PGM5: variants seen among roughly 807,000 people sequenced by gnomAD.
PGM5 encodes the protein phosphoglucomutase 5, also known as phosphoglucomutase-like protein 5.
A neutral mutation model predicts 59.2 loss-of-function variants in PGM5; 23 were observed. The ratio of observed to expected loss-of-function variants is 0.39; its 90% CI spans 0.28 to 0.55. The LOEUF is 0.55. PGM5 is among the 20% of genes least tolerant of loss of function. PGM5 has a pLI of 0.66. For synonymous variants in PGM5, 214 were observed against 286.0 expected (o/e 0.75, Z 2.54); for missense variants, 574 against 748.3 (o/e 0.77, Z 2.72).
rs368833501 is a variant in PGM5, at chr9:68,478,437, TG to T, written c.1160-976del. On this transcript the variant is annotated intron_variant, in intron 7 of 10. Coordinates refer to ENST00000396396, the MANE Select transcript of PGM5 (RefSeq NM_021965.4). ...GTTAGCTCAGATGCCATTGCCTCAG[TG>T]GGGGCAGACCCTAACTATCTGTATT... is the stretch of plus-strand genomic sequence containing the variant. Among the ~76,000 whole-genome samples, 255 of 152,270 alleles carry T rather than the reference TG, an allele frequency of 1.7e-3. 2 individuals are homozygous for T. The highest frequency in any genetic ancestry group is 7.9e-3 in the South Asian group (38 of 4,828).
intron 9 of PGM5, among the ~76,000 whole-genome samples, chr9:68,489,734 C>T (rs898472252): frequency 6.6e-6 from 1 of 152,104 alleles, no homozygotes; most frequent in African/African-American, 2.4e-5. Context: ...CCCAAACCAA[C>T]TCCTATATTT....
Position 68,357,092 on chromosome 9 carries a change from C to T in PGM5, c.-36C>T, listed in dbSNP as rs2131963153. ...CCGGCAGGCTGCAGATTCCCTCCGG[C>T]TCCGGGAGCCGCAGCAGGACCGGCC... On this transcript the variant is annotated 5_prime_UTR_variant, in exon 1 of 11. Transcript: ENST00000396396. 6.9e-7 allele frequency: 1 copy of T among 1,449,432 alleles called. No homozygotes were observed. Among genetic ancestry groups the T allele is most frequent in the East Asian group, 2.7e-5 (1 of 37,680 alleles). The allele number at this position is 1,449,432 out of a possible 1,614,324, so 89.8% of individuals were successfully genotyped here. A position where few individuals can be genotyped will look rare whatever the true frequency, so the allele number is the denominator to read the frequency against.
At chr9:68,423,066 A>T (rs1393757257) in intron 6 of PGM5, among the ~76,000 whole-genome samples, 1 of 152,106 alleles carries the variant, frequency 6.6e-6, no homozygotes, top group African/African-American at 2.4e-5. Context: ...ATTCCTTTTT[A>T]TGGCTGAGTA....
chr9:68,454,421 C>T (rs185724731), intron 6 of PGM5, among the ~76,000 whole-genome samples: 19 of 152,270 alleles, frequency 1.2e-4, no homozygotes, highest in African/African-American at 4.1e-4. Flanking sequence ...AGTATCCCTA[C>T]CTAAGTGAAC....
chr9:68,505,196 C>T (rs570968278), intron 10 of PGM5, among the ~76,000 whole-genome samples: 3 of 152,094 alleles, frequency 2.0e-5, no homozygotes, highest in Non-Finnish European at 4.4e-5. Flanking sequence ...TAACAAAATC[C>T]ACATTGTCCA....
intron 10 of PGM5, among the ~76,000 whole-genome samples, chr9:68,501,980 T>C (rs981640607): frequency 6.6e-6 from 1 of 152,242 alleles, no homozygotes; most frequent in Non-Finnish European, 1.5e-5. Context: ...CATACTCACA[T>C]GTAGATTTTC....
At chr9:68,436,584 T>C (rs1823445366) in intron 6 of PGM5, among the ~76,000 whole-genome samples, 1 of 152,202 alleles carries the variant, frequency 6.6e-6, no homozygotes, top group Non-Finnish European at 1.5e-5. Context: ...ACCTGGTTGT[T>C]TAGCATTTCC....
chr9:68,507,265 G>A (rs1347486839), intron 10 of PGM5, among the ~76,000 whole-genome samples: 2 of 152,164 alleles, frequency 1.3e-5, no homozygotes, highest in African/African-American at 2.4e-5. Flanking sequence ...CCACTTAGAC[G>A]AGAGGCGTGA....
intron 7 of PGM5, chr9:68,466,140 CT>C (rs782606271): frequency 1.5e-6 from 2 of 1,299,012 alleles, no homozygotes; most frequent in South Asian, 2.5e-5. Flanking sequence ...TATTTCTCCC[CT>C]TTTTTCTTCT....
At chr9:68,493,314 C>T (rs1376576588) in intron 9 of PGM5, among the ~76,000 whole-genome samples, 1 of 152,122 alleles carries the variant, frequency 6.6e-6, no homozygotes, top group Non-Finnish European at 1.5e-5. Context: ...ATTTATTTAT[C>T]AAACATTTAT....
intron 8 of PGM5, among the ~76,000 whole-genome samples, chr9:68,481,602 T>C (rs528796202): frequency 6.6e-6 from 1 of 152,338 alleles, no homozygotes; most frequent in Admixed American, 6.5e-5. Flanking sequence ...ATTTGTGGAA[T>C]GATTATCTAG....
rs1398939113 is a variant in PGM5, at chr9:68,391,842, A to G, written c.888+118A>G. ...ACATGTATGGGACATGTGTGCCCTAACTGGCTCTGCATCTGCCCTTCTGTT... is the reference window on the plus strand; with the variant it reads ...ACATGTATGGGACATGTGTGCCCTAGCTGGCTCTGCATCTGCCCTTCTGTT... On this transcript the variant is annotated intron_variant, in intron 5 of 10. Transcript: ENST00000396396. The G allele has an allele frequency of 4.9e-6, 5 of 1,012,130 alleles. No individual in the cohort carries two copies. The African/African-American group carries it at 6.5e-5, about 13-fold the overall frequency. 62.7% of individuals were successfully genotyped at this position (1,012,130 alleles called of 1,614,324 possible).
At chr9:68,509,411 C>T (rs1322519256) in intron 10 of PGM5, among the ~76,000 whole-genome samples, 1 of 152,178 alleles carries the variant, frequency 6.6e-6, no homozygotes, top group Non-Finnish European at 1.5e-5. Flanking sequence ...CATACTTTGG[C>T]AGGTTGGGCC....
intron 10 of PGM5, among the ~76,000 whole-genome samples, chr9:68,502,050 C>T (rs782527439): frequency 6.6e-6 from 1 of 152,158 alleles, no homozygotes; most frequent in Non-Finnish European, 1.5e-5. Context: ...AATTTCTTAT[C>T]TACATCAAAA....
chr9:68,398,555 T>G (rs1386175684), intron 6 of PGM5: 4 of 152,248 alleles, frequency 2.6e-5, no homozygotes, highest in African/African-American at 7.2e-5. Context: ...AAAAGTGGGC[T>G]GTCAGACAAG....
At position 68,384,356 on chromosome 9, in the gene PGM5, C is replaced by T. The variant is rs782747466; in HGVS notation, c.425-42C>T. 16 of 1,482,144 alleles carry T rather than the reference C, an allele frequency of 1.1e-5. No individual in the cohort carries two copies. In the East Asian group the frequency reaches 2.0e-4, roughly 19 times the overall value. The allele number at this position is 1,482,144 out of a possible 1,614,324, so 91.8% of individuals were successfully genotyped here. On this transcript the variant is annotated intron_variant, in intron 2 of 10. Transcript: ENST00000396396. ...GTAACATTTCACTGCTTGAAACTCA[C>T]GAGACTTTCAAAAACATGTATTTTT... is the stretch of plus-strand genomic sequence containing the variant.
intron 10 of PGM5, among the ~76,000 whole-genome samples, chr9:68,522,302 T>C (rs1824910855): frequency 1.3e-5 from 2 of 152,002 alleles, no homozygotes; most frequent in Admixed American, 1.3e-4. Context: ...TCACGCAAGC[T>C]CCGGATGGTG....
chr9:68,519,906 A>G (rs1824874215), intron 10 of PGM5, among the ~76,000 whole-genome samples: 1 of 128,128 alleles, frequency 7.8e-6, no homozygotes, highest in Admixed American at 7.2e-5. Flanking sequence ...ACAATAAATA[A>G]ATAAATAAAT....
intron 6 of PGM5, among the ~76,000 whole-genome samples, chr9:68,406,694 ATATATATATATATATATATATATATATAT>A (rs1822822935): frequency 8.5e-5 from 6 of 70,370 alleles, no homozygotes; most frequent in African/African-American, 3.0e-4. Context: ...ATATATATAT[ATATATATATATATATATATATATATATAT>A]ATGTATATAG....
Sources: allele counts gnomAD v4.1 joint callset (sites outside exome capture counted in the v4.1 genomes callset), GRCh38; gene constraint gnomAD v4.1.1; transcripts MANE v1.5; gene names NCBI Gene and HGNC (gene_info 2026-07-23, HGNC 2026-07-21).